LRMDA: variants seen among roughly 807,000 people sequenced by gnomAD.
LRMDA encodes the protein leucine-rich melanocyte differentiation-associated protein.
LRMDA carries 18 observed loss-of-function variants against 29.8 expected under a neutral mutation model. The observed-to-expected ratio is 0.60, with a 90% CI of 0.42 to 0.90. The LOEUF (loss-of-function observed/expected upper bound fraction) is 0.90. LRMDA is among the 40% of genes least tolerant of loss of function. The pLI, the probability that LRMDA is intolerant of heterozygous loss-of-function variation, is 0.00. For missense variants in LRMDA, 273 were observed against 273.9 expected (o/e 1.00, Z 0.02); for synonymous variants, 125 against 109.4 (o/e 1.14, Z -0.89).
chr10:76,521,829 A>G (rs75285204), intron 6 of LRMDA, among the ~76,000 whole-genome samples: 2,724 of 152,232 alleles, frequency 0.018, 86 homozygotes, highest in African/African-American at 0.061. Flanking sequence ...TCATGTATTA[A>G]TTTTGTTTCC....
intron 2 of LRMDA, among the ~76,000 whole-genome samples, chr10:75,571,084 T>G (rs10509359): frequency 0.51 from 77,509 of 152,004 alleles, 22,313 homozygotes; most frequent in Non-Finnish European, 0.64. Flanking sequence ...CTGCATAATT[T>G]GACCCCATGG....
At chr10:75,915,120 C>CTT (rs71024579) in intron 2 of LRMDA, among the ~76,000 whole-genome samples, 2,887 of 75,244 alleles carry the variant, frequency 0.038, 545 homozygotes, top group East Asian at 0.15. Context: ...GTCTAACCTT[C>CTT]TTTTTTTTTT....
chr10:75,981,248 TG>T (rs1847164651), intron 2 of LRMDA, among the ~76,000 whole-genome samples: 1 of 152,244 alleles, frequency 6.6e-6, no homozygotes, highest in Non-Finnish European at 1.5e-5. Flanking sequence ...TAAGTCCATT[TG>T]TCTGACAATT....
intron 5 of LRMDA, among the ~76,000 whole-genome samples, chr10:76,234,577 T>C (rs1852117412): frequency 6.6e-6 from 1 of 152,230 alleles, no homozygotes; most frequent in South Asian, 2.1e-4. Context: ...TAAGGCTGTT[T>C]TGTCTACATT....
chr10:76,240,440 A>T (rs1306299784), intron 5 of LRMDA, among the ~76,000 whole-genome samples: 3 of 148,248 alleles, frequency 2.0e-5, no homozygotes, highest in East Asian at 3.9e-4. Flanking sequence ...TGTTATATAT[A>T]ATATATACAT....
chr10:76,101,915 C>T (rs1218788270), intron 5 of LRMDA, among the ~76,000 whole-genome samples: 2 of 152,158 alleles, frequency 1.3e-5, no homozygotes, highest in African/African-American at 2.4e-5. Flanking sequence ...CCCACTCTTC[C>T]AGCCCTTGGG....
chr10:75,672,517 TTTCTTTTCCTCCCCTC>T lies in LRMDA; in HGVS notation c.131+234024_131+234039del, dbSNP rs1208402239. Among the ~76,000 whole-genome samples the T allele has an allele frequency of 3.9e-3, 143 of 36,684 alleles. 15 individuals carry two copies. The highest frequency in any genetic ancestry group is 0.016 in the East Asian group (10 of 628). 24.1% of individuals were successfully genotyped at this position (36,684 alleles called of 152,430 possible). A position where few individuals can be genotyped will look rare whatever the true frequency, so the allele number is the denominator to read the frequency against. On this transcript the variant is annotated intron_variant, in intron 2 of 6. Transcript: ENST00000611255. Reference sequence around the variant, plus strand: ...CTAAGACACTTCCTTGTATTTTTCTTTTCTTTTCCTCCCCTCCCCTCCCCTCCCCTCCCCTCCCCTC... The same window carrying T: ...CTAAGACACTTCCTTGTATTTTTCTTCCCTCCCCTCCCCTCCCCTCCCCTC...
intron 2 of LRMDA, among the ~76,000 whole-genome samples, chr10:75,643,543 G>T (rs1453898477): frequency 6.6e-6 from 1 of 152,148 alleles, no homozygotes; most frequent in Non-Finnish European, 1.5e-5. Flanking sequence ...GAAGGACTTA[G>T]TCTACCTCCA....
chr10:76,419,253 C>T (rs377723624), intron 6 of LRMDA, among the ~76,000 whole-genome samples: 41 of 152,176 alleles, frequency 2.7e-4, no homozygotes, highest in African/African-American at 9.6e-4. Flanking sequence ...TCCCTCCCTC[C>T]TAACTATTCC....
At chr10:75,692,555 A>T (rs970221831) in intron 2 of LRMDA, among the ~76,000 whole-genome samples, 1 of 137,396 alleles carries the variant, frequency 7.3e-6, no homozygotes, top group African/African-American at 2.7e-5. Flanking sequence ...ACACATATAC[A>T]TATGTATACG....
intron 6 of LRMDA, among the ~76,000 whole-genome samples, chr10:76,445,030 G>T (rs1459783836): frequency 6.6e-6 from 1 of 151,988 alleles, no homozygotes; most frequent in Non-Finnish European, 1.5e-5. Context: ...TGCCTATGAA[G>T]GACAAAGCGC....
chr10:76,109,265 G>T (rs1336764934), intron 5 of LRMDA, among the ~76,000 whole-genome samples: 8 of 152,122 alleles, frequency 5.3e-5, no homozygotes, highest in Non-Finnish European at 1.2e-4. Context: ...TAGTGACAAG[G>T]CCTCCATCCT....
intron 2 of LRMDA, among the ~76,000 whole-genome samples, chr10:75,751,100 G>A (rs528428698): frequency 3.9e-5 from 6 of 152,328 alleles, no homozygotes; most frequent in East Asian, 1.9e-4. Context: ...GATCACTCGC[G>A]GTCAGGAGCT....
chr10:75,472,425 G>A (rs1201502980), intron 2 of LRMDA, among the ~76,000 whole-genome samples: 2 of 152,192 alleles, frequency 1.3e-5, no homozygotes, highest in African/African-American at 4.8e-5. Flanking sequence ...AAGAAGAGGG[G>A]TTAAGTTGTT....
At position 76,559,487 on chromosome 10, in the gene LRMDA, A is replaced by C. The variant is rs1843598795; in HGVS notation, c.*2199A>C. The C allele has an allele frequency of 1.3e-5, 2 of 152,196 alleles. No individual in the cohort carries two copies. Among genetic ancestry groups the C allele is most frequent in the South Asian group, 4.1e-4 (2 of 4,828 alleles). The allele number at this position is 152,196 out of a possible 1,614,324, so 9.4% of individuals were successfully genotyped here. A position where few individuals can be genotyped will look rare whatever the true frequency, so the allele number is the denominator to read the frequency against. On this transcript the variant is annotated 3_prime_UTR_variant, in exon 7 of 7. Transcript: ENST00000611255. ...GTATATTCATCTTATTGATAGAATTATAGTCAGCTTTGTTTCTCTTAAGCA... is the reference window on the plus strand; with the variant it reads ...GTATATTCATCTTATTGATAGAATTCTAGTCAGCTTTGTTTCTCTTAAGCA...
chr10:76,314,664 T>A (rs527832807), intron 5 of LRMDA, among the ~76,000 whole-genome samples: 26 of 152,342 alleles, frequency 1.7e-4, no homozygotes, highest in African/African-American at 5.0e-4. Flanking sequence ...GGAGTCTTGT[T>A]AAATAAGGTA....
chr10:75,818,639 T>G (rs1844101691), intron 2 of LRMDA, among the ~76,000 whole-genome samples: 1 of 152,228 alleles, frequency 6.6e-6, no homozygotes, highest in Non-Finnish European at 1.5e-5. Flanking sequence ...CTTTTCAATA[T>G]TTGCAGAGAC....
intron 2 of LRMDA, among the ~76,000 whole-genome samples, chr10:75,652,158 G>A (rs575285676): frequency 4.6e-5 from 7 of 152,020 alleles, no homozygotes; most frequent in South Asian, 4.2e-4. Flanking sequence ...ATTCATTGCA[G>A]CCATGGGCAC....
At chr10:76,326,637 C>T (rs965411645) in intron 6 of LRMDA, among the ~76,000 whole-genome samples, 2 of 152,108 alleles carry the variant, frequency 1.3e-5, no homozygotes, top group African/African-American at 2.4e-5. Context: ...CCTTCCACAC[C>T]AACAACTACA....
Sources: gnomAD v4.1 joint callset for allele counts (sites outside exome capture counted in the v4.1 genomes callset) on GRCh38, gnomAD v4.1.1 for gene constraint, MANE v1.5 for transcripts, NCBI Gene and HGNC (gene_info 2026-07-23, HGNC 2026-07-21) for gene names.